CLYBL: variants seen among roughly 807,000 people sequenced by gnomAD.
CLYBL encodes citramalyl-CoA lyase, mitochondrial.
Under a neutral mutation model 38.9 loss-of-function variants are expected in CLYBL, and 31 were observed. That is an observed-to-expected ratio of 0.80 (90% CI 0.60 to 1.08). The LOEUF (loss-of-function observed/expected upper bound fraction) is 1.08, where lower values mean the gene tolerates loss of function less well. Among genes scored for constraint, CLYBL ranks in the 50% least tolerant of loss-of-function variants. The probability of loss-of-function intolerance (pLI) is 0.00; values close to 1 mark genes in which losing one functional copy is unlikely to be tolerated. For missense variants in CLYBL, 434 were observed against 411.6 expected (o/e 1.05, Z -0.47); for synonymous variants, 171 against 158.6 (o/e 1.08, Z -0.59).
intron 1 of CLYBL, among the ~76,000 whole-genome samples, chr13:99,766,776 C>A (rs547173855): frequency 6.6e-6 from 1 of 152,266 alleles, no homozygotes; most frequent in East Asian, 1.9e-4. Context: ...GAACGCTGCT[C>A]TTCCTGAATG....
chr13:99,705,149 G>A (rs2048127133), intron 1 of CLYBL, among the ~76,000 whole-genome samples: 1 of 152,160 alleles, frequency 6.6e-6, no homozygotes, highest in South Asian at 2.1e-4. Context: ...GTACACCCAT[G>A]TTTATAGCAG....
intron 1 of CLYBL, among the ~76,000 whole-genome samples, chr13:99,752,592 A>G (rs1426855234): frequency 1.3e-5 from 2 of 151,888 alleles, no homozygotes; most frequent in Non-Finnish European, 1.5e-5. Context: ...GGTAAACCAG[A>G]CTGTCTACCC....
At chr13:99,721,112 C>G (rs2048386265) in intron 1 of CLYBL, among the ~76,000 whole-genome samples, 1 of 149,684 alleles carries the variant, frequency 6.7e-6, no homozygotes, top group African/African-American at 2.5e-5. Flanking sequence ...GATGTGATAT[C>G]TGCCCACTGC....
At chr13:99,891,650 G>A (rs1243423460) in intron 8 of CLYBL, 5 of 433,000 alleles carry the variant, frequency 1.2e-5, no homozygotes, top group African/African-American at 1.0e-4. Context: ...AGTGTATTAC[G>A]AATATGGGCT....
chr13:99,838,520 G>T (rs1339754805), intron 2 of CLYBL, among the ~76,000 whole-genome samples: 1 of 152,150 alleles, frequency 6.6e-6, no homozygotes, highest in Non-Finnish European at 1.5e-5. Context: ...CATAAAAATG[G>T]GTTGCTGAAA....
At chr13:99,845,960 A>G (rs144312804) in intron 2 of CLYBL, among the ~76,000 whole-genome samples, 321 of 121,312 alleles carry the variant, frequency 2.6e-3, no homozygotes, top group Admixed American at 4.9e-3. Flanking sequence ...AAATGCTTAT[A>G]TATTTGCCAC....
chr13:99,832,577 G>A (rs1461010135), intron 2 of CLYBL, among the ~76,000 whole-genome samples: 6 of 152,098 alleles, frequency 3.9e-5, no homozygotes, highest in African/African-American at 1.4e-4. Context: ...TGTAAAAACT[G>A]AGAAACACCC....
At position 99,728,835 on chromosome 13, in the gene CLYBL, A is replaced by G. The variant is rs543470795; in HGVS notation, c.63-43989A>G. 1.3e-4 allele frequency among the ~76,000 whole-genome samples: 20 copies of G among 152,270 alleles called. No individual in the cohort carries two copies. The South Asian group carries it at 4.1e-3, about 32-fold the overall frequency. On this transcript the variant is annotated intron_variant, in intron 1 of 8. Transcript: ENST00000339105. ...TGGGCTCAAAGAAGCCTCCCACCTC[A>G]GCCTCCCAAAGTTCTGGGATTAGAG...
intron 1 of CLYBL, among the ~76,000 whole-genome samples, chr13:99,754,507 C>T (rs1367159662): frequency 1.3e-5 from 2 of 151,122 alleles, no homozygotes; most frequent in African/African-American, 4.9e-5. Flanking sequence ...GCAATCCTCT[C>T]ACCTCAGTCT....
rs114987695 is a variant in CLYBL at position 99,832,682 on chromosome 13, C to T, written c.250-26179C>T. Among the ~76,000 whole-genome samples the T allele has an allele frequency of 2.3e-3, 352 of 152,124 alleles. 2 individuals are homozygous for T. The highest frequency in any genetic ancestry group is 8.0e-3 in the African/African-American group (330 of 41,498). ...TCATCCCTTAAGTGGACTGGGCAAGCTGGCCATTTACCACTTGTCACAGTT... is the reference window on the plus strand; with the variant it reads ...TCATCCCTTAAGTGGACTGGGCAAGTTGGCCATTTACCACTTGTCACAGTT... On this transcript the variant is annotated intron_variant, in intron 2 of 8. Coordinates refer to ENST00000339105, the MANE Select transcript of CLYBL (RefSeq NM_206808.5).
At chr13:99,683,800 A>G (rs1176095997) in intron 1 of CLYBL, among the ~76,000 whole-genome samples, 1 of 109,614 alleles carries the variant, frequency 9.1e-6, no homozygotes, top group East Asian at 3.1e-4. Context: ...AAAGCATAAT[A>G]TAAAACCAGT....
intron 1 of CLYBL, among the ~76,000 whole-genome samples, chr13:99,712,943 C>T (rs2048257406): frequency 6.6e-6 from 1 of 152,014 alleles, no homozygotes; most frequent in South Asian, 2.1e-4. Flanking sequence ...TGTGTGTCTT[C>T]TAGTAGTTAT....
chr13:99,891,299 T>C lies in CLYBL; in HGVS notation c.928-19T>C, dbSNP rs1302770671. 4 of 1,563,092 alleles carry C rather than the reference T, an allele frequency of 2.6e-6. 1 individual carries two copies. The highest frequency in any genetic ancestry group is 3.3e-5 in the Admixed American group (2 of 59,840). ...ATTTCGAGTATTCTTTCAGGAAGTT[T>C]GTATTCTCTGTTTTCCAGGGGGCCT... On this transcript the variant is annotated intron_variant, in intron 7 of 8. Coordinates refer to ENST00000339105, the MANE Select transcript of CLYBL (RefSeq NM_206808.5).
intron 1 of CLYBL, among the ~76,000 whole-genome samples, chr13:99,729,370 T>G (rs548929665): frequency 3.3e-5 from 5 of 152,256 alleles, no homozygotes; most frequent in Non-Finnish European, 7.4e-5. Context: ...GTCATCTGCT[T>G]GAGTATCAGC....
intron 2 of CLYBL, among the ~76,000 whole-genome samples, chr13:99,824,257 G>GCCCCCCCCCCCCCCCC (rs57450534): frequency 1.8e-3 from 238 of 130,348 alleles, no homozygotes; most frequent in African/African-American, 2.3e-3. Context: ...CTGACTAATA[G>GCCCCCCCCCCCCCCCC]CCCCCCCCAC....
intron 1 of CLYBL, among the ~76,000 whole-genome samples, chr13:99,754,340 CAG>C: frequency 7.0e-6 from 1 of 142,896 alleles, no homozygotes; most frequent in East Asian, 2.1e-4. Flanking sequence ...TCACCTGAGT[CAG>C]GGAGGTGGAG....
chr13:99,744,263 C>T (rs945201615), intron 1 of CLYBL, among the ~76,000 whole-genome samples: 5 of 152,116 alleles, frequency 3.3e-5, no homozygotes, highest in Non-Finnish European at 7.4e-5. Flanking sequence ...TGAGCCACCG[C>T]GCCCAGCTAC....
intron 7 of CLYBL, among the ~76,000 whole-genome samples, chr13:99,886,785 C>A (rs1290347867): frequency 6.6e-6 from 1 of 152,200 alleles, no homozygotes; most frequent in Non-Finnish European, 1.5e-5. Context: ...TGCTCACCAC[C>A]CTGGCCTTTT....
intron 1 of CLYBL, among the ~76,000 whole-genome samples, chr13:99,609,178 T>TG (rs1228932771): frequency 3.1e-5 from 4 of 127,416 alleles, no homozygotes; most frequent in African/African-American, 1.2e-4. Context: ...TGTTTTTTTT[T>TG]TTTTTTTTTT....
Sources: gnomAD v4.1 joint callset for allele counts (sites outside exome capture counted in the v4.1 genomes callset) on GRCh38, gnomAD v4.1.1 for gene constraint, MANE v1.5 for transcripts, NCBI Gene and HGNC (gene_info 2026-07-23, HGNC 2026-07-21) for gene names.